Variants in TCAF1 observed in about 807,000 individuals in gnomAD.
TCAF1 encodes the protein TRPM8 channel-associated factor 1.
A neutral mutation model predicts 27.3 loss-of-function variants in TCAF1; 4 were observed. That is an observed-to-expected ratio of 0.15 (90% CI 0.07 to 0.34). The LOEUF is 0.34. Among genes scored for constraint, TCAF1 ranks in the 10% least tolerant of loss-of-function variants. The pLI is 1.00. For missense variants in TCAF1, 257 were observed against 425.8 expected (o/e 0.60, Z 3.49); for synonymous variants, 105 against 167.1 (o/e 0.63, Z 2.87).
chr7:143,876,368 C>A lies in TCAF1; in HGVS notation c.241G>T (p.Val81Leu). 4 of 1,614,180 alleles carry A rather than the reference C, an allele frequency of 2.5e-6. No homozygotes were observed. The highest frequency in any genetic ancestry group is 3.4e-6 in the Non-Finnish European group (4 of 1,180,020). Residue 81 changes from valine to leucine, a missense_variant, in exon 2 of 9, where the codon GTG (valine) becomes TTG (leucine). Coordinates refer to ENST00000479870, the MANE Select transcript of TCAF1 (RefSeq NM_014719.3). ...AQLTPFLLNA[V>L]GWLCSSPGAP... ...CCAGGGGAAGAGCAAAGCCACCCCA[C>A]TGCGTTCAGGAGAAAGGGCGTGAGC...
At chr7:143,877,894 A>G (rs1812802780) in intron 1 of TCAF1, among the ~76,000 whole-genome samples, 1 of 152,168 alleles carries the variant, frequency 6.6e-6, no homozygotes, top group South Asian at 2.1e-4. Context: ...AGCCCTTACA[A>G]TTTAATCACT....
intron 1 of TCAF1, among the ~76,000 whole-genome samples, chr7:143,881,536 T>C (rs1813024542): frequency 6.6e-6 from 1 of 152,190 alleles, no homozygotes; most frequent in Non-Finnish European, 1.5e-5. Flanking sequence ...TCACTTAAGA[T>C]TGTTTAATTC....
intron 1 of TCAF1, among the ~76,000 whole-genome samples, chr7:143,891,062 C>G (rs1366065630): frequency 6.6e-6 from 1 of 152,196 alleles, no homozygotes; most frequent in African/African-American, 2.4e-5. Context: ...GGTTTAAAGA[C>G]TATGTTCTTG....
At chr7:143,885,128 A>G (rs909696685) in intron 1 of TCAF1, 4 of 985,490 alleles carry the variant, frequency 4.1e-6, no homozygotes, top group Middle Eastern at 5.2e-4. Flanking sequence ...ACCTCAGCGG[A>G]CTGCATCGGG....
chr7:143,860,012 AATATATAT>A (rs1811909037), intron 6 of TCAF1, among the ~76,000 whole-genome samples, 188 bp downstream of exon 6: 19 of 14,840 alleles, frequency 1.3e-3, no homozygotes, highest in East Asian at 0.011. Flanking sequence ...ATATATATAT[AATATATAT>A]TATATATTAT....
intron 1 of TCAF1, among the ~76,000 whole-genome samples, chr7:143,889,859 T>C (rs1586793934): frequency 1.3e-5 from 2 of 152,352 alleles, no homozygotes; most frequent in Middle Eastern, 6.8e-3. Flanking sequence ...GCAATGACTT[T>C]GCCCATTCCT....
chr7:143,888,469 AG>A (rs1347885715), intron 1 of TCAF1, among the ~76,000 whole-genome samples: 3 of 152,228 alleles, frequency 2.0e-5, no homozygotes, highest in African/African-American at 7.2e-5. Context: ...AAAGGTAAAT[AG>A]GAAGTAAATT....
intron 1 of TCAF1, among the ~76,000 whole-genome samples, chr7:143,886,107 G>A (rs767914384): frequency 3.3e-5 from 5 of 152,148 alleles, no homozygotes; most frequent in African/African-American, 4.8e-5. Context: ...TCCTGCACTC[G>A]CATCTACTCA....
At chr7:143,881,083 C>T (rs975889173) in intron 1 of TCAF1, among the ~76,000 whole-genome samples, 10 of 152,154 alleles carry the variant, frequency 6.6e-5, no homozygotes, top group African/African-American at 2.2e-4. Flanking sequence ...CACAGAGCAG[C>T]GCCATGGCTC....
At chr7:143,901,290 T>C (rs76599334) in intron 1 of TCAF1, among the ~76,000 whole-genome samples, 86 of 152,376 alleles carry the variant, frequency 5.6e-4, no homozygotes, top group African/African-American at 2.1e-3. Flanking sequence ...TTCTGTCCTT[T>C]ACGTCTAGTT....
rs1393887193 is a variant in TCAF1, at chr7:143,875,976, G to A, written c.620+13C>T. The A allele has an allele frequency of 4.6e-6, 7 of 1,530,246 alleles. No individual in the cohort carries two copies. The highest frequency in any genetic ancestry group is 3.9e-5 in the South Asian group (3 of 76,240). The allele number at this position is 1,530,246 out of a possible 1,614,324, so 94.8% of individuals were successfully genotyped here. ...ACCCTGGAGCCAACTCCCCAGTGGG[G>A]TAACATACTCACCTAACCAACACTG... On this transcript the variant is annotated intron_variant, in intron 2 of 8. Coordinates refer to ENST00000479870, the MANE Select transcript of TCAF1 (RefSeq NM_014719.3).
At chr7:143,890,137 C>T (rs560766450) in intron 1 of TCAF1, among the ~76,000 whole-genome samples, 20 of 151,780 alleles carry the variant, frequency 1.3e-4, no homozygotes, top group East Asian at 3.9e-4. Context: ...TACAGGCACC[C>T]GCCACCACAC....
At chr7:143,892,955 C>T (rs1225351010) in intron 1 of TCAF1, among the ~76,000 whole-genome samples, 2 of 152,082 alleles carry the variant, frequency 1.3e-5, no homozygotes, top group African/African-American at 4.8e-5. Context: ...ACATTTGTGT[C>T]ACAGCAGCCC....
intron 2 of TCAF1, among the ~76,000 whole-genome samples, chr7:143,874,756 G>C (rs939486972): frequency 2.0e-5 from 3 of 152,190 alleles, no homozygotes; most frequent in Non-Finnish European, 4.4e-5. Context: ...AACAATGATA[G>C]CATAACCCTC....
chr7:143,889,427 GA>G (rs1204661960), intron 1 of TCAF1, among the ~76,000 whole-genome samples: 2 of 152,174 alleles, frequency 1.3e-5, no homozygotes, highest in Non-Finnish European at 2.9e-5. Context: ...AATTCTGACT[GA>G]AAAATGAAAG....
At chr7:143,899,689 G>C (rs2116878681) in intron 1 of TCAF1, among the ~76,000 whole-genome samples, 1 of 152,258 alleles carries the variant, frequency 6.6e-6, no homozygotes. Flanking sequence ...AAGACATAGA[G>C]AGAAAGAAAA....
intron 1 of TCAF1, among the ~76,000 whole-genome samples, chr7:143,883,500 C>CTTTTTTTTTTTTTTT (rs374825743): frequency 6.1e-5 from 6 of 98,092 alleles, no homozygotes; most frequent in Admixed American, 2.5e-4. Context: ...TTTCCTTTTT[C>CTTTTTTTTTTTTTTT]TTTTTTTTTT....
At chr7:143,886,405 C>T (rs185605664) in intron 1 of TCAF1, 15 of 644,726 alleles carry the variant, frequency 2.3e-5, no homozygotes, top group Non-Finnish European at 2.7e-5. Context: ...GGACAGGGTA[C>T]GACATCCCAT....
Position 143,859,944 on chromosome 7 carries a change from TAATATATATTACGG to T in TCAF1, c.2167+250_2167+263del, listed in dbSNP as rs1229190518. 3.0e-3 allele frequency among the ~76,000 whole-genome samples: 175 copies of T among 57,550 alleles called. 9 individuals carry two copies. Among genetic ancestry groups the T allele is most frequent in the East Asian group, 7.9e-3 (14 of 1,766 alleles). 37.8% of individuals were successfully genotyped at this position (57,550 alleles called of 152,430 possible). A position where few individuals can be genotyped will look rare whatever the true frequency, so the allele number is the denominator to read the frequency against. ...TATATATTATATAATATATATTATA[TAATATATATTACGG>T]AATATATATTATATAATATATATTA... On this transcript the variant is annotated intron_variant, in intron 6 of 8. Transcript: ENST00000479870.
Sources: gnomAD v4.1 joint callset for allele counts (sites outside exome capture counted in the v4.1 genomes callset) on GRCh38, gnomAD v4.1.1 for gene constraint, MANE v1.5 for transcripts, NCBI Gene and HGNC (gene_info 2026-07-23, HGNC 2026-07-21) for gene names.